LEPR: variants seen among roughly 807,000 people sequenced by gnomAD.
The protein encoded by LEPR is leptin receptor.
A neutral mutation model predicts 114.7 loss-of-function variants in LEPR; 56 were observed. That is an observed-to-expected ratio of 0.49 (90% CI 0.39 to 0.61). LEPR has a LOEUF of 0.61. LEPR is among the 20% of genes least tolerant of loss of function. The pLI, the probability that LEPR is intolerant of heterozygous loss-of-function variation, is 0.00. For missense variants in LEPR, 1,202 were observed against 1,352.9 expected, an observed-to-expected ratio of 0.89 and a Z score of 1.75; for synonymous variants, 443 against 461.4, an observed-to-expected ratio of 0.96 and a Z score of 0.51.
At chr1:65,451,547 T>C (rs1387139490) in intron 2 of LEPR, among the ~76,000 whole-genome samples, 2 of 152,202 alleles carry the variant, frequency 1.3e-5, no homozygotes, top group Non-Finnish European at 2.9e-5. Context: ...CCTTTCCCCA[T>C]TGCTTGTTTT....
At chr1:65,481,610 T>G (rs867325714) in intron 2 of LEPR, among the ~76,000 whole-genome samples, 58 of 152,062 alleles carry the variant, frequency 3.8e-4, no homozygotes, top group Middle Eastern at 3.4e-3. Flanking sequence ...ATAGGTATAA[T>G]AAATAAAAGT....
chr1:65,615,951 A>C lies in LEPR; in HGVS notation c.1996-57A>C, dbSNP rs529114271. ...TGTAGAATGAGAGTTATGTGAGCTCAGTTAGTATAAAAAGCACTGCAGCCC... is the reference window on the plus strand; with the variant it reads ...TGTAGAATGAGAGTTATGTGAGCTCCGTTAGTATAAAAAGCACTGCAGCCC... On this transcript the variant is annotated intron_variant, in intron 14 of 19. Transcript: ENST00000349533. 3.1e-6 allele frequency: 5 copies of C among 1,603,802 alleles called. No individual in the cohort carries two copies. The African/African-American group carries it at 5.4e-5, about 17-fold the overall frequency.
chr1:65,612,561 G>A (rs767073718), intron 14 of LEPR, among the ~76,000 whole-genome samples: 35 of 151,588 alleles, frequency 2.3e-4, no homozygotes, highest in Non-Finnish European at 4.4e-4. Flanking sequence ...AGAAGTACTG[G>A]TCGGGTATTT....
At chr1:65,527,605 G>C (rs1031186153) in intron 2 of LEPR, among the ~76,000 whole-genome samples, 1 of 151,986 alleles carries the variant, frequency 6.6e-6, no homozygotes, top group East Asian at 1.9e-4. Flanking sequence ...GCCTCTTTTC[G>C]GTGGCTTGGA....
intron 2 of LEPR, among the ~76,000 whole-genome samples, chr1:65,451,822 T>G (rs1323490156): frequency 6.6e-6 from 1 of 152,062 alleles, no homozygotes; most frequent in Admixed American, 6.6e-5. Flanking sequence ...AAGAAAGTCA[T>G]TGGTAGCTTG....
chr1:65,623,251 T>G (rs1421170791), intron 19 of LEPR: 1 of 330,874 alleles, frequency 3.0e-6, no homozygotes, highest in Non-Finnish European at 5.5e-6. Flanking sequence ...AAATAAATAT[T>G]AGAAAGTTAA....
At chr1:65,447,346 C>G (rs1012557876) in intron 2 of LEPR, among the ~76,000 whole-genome samples, 4 of 152,030 alleles carry the variant, frequency 2.6e-5, no homozygotes, top group Admixed American at 1.3e-4. Context: ...ATTATTCCAG[C>G]ACCATCTGTT....
rs778439452 is a variant in LEPR, at chr1:65,629,315, TTA to T, written c.2673+6336_2673+6337del. 3 of 444,188 alleles carry T rather than the reference TTA, an allele frequency of 6.8e-6. No homozygotes were observed. In the Admixed American group the frequency reaches 7.4e-5, roughly 11 times the overall value. The allele number at this position is 444,188 out of a possible 1,614,324, so 27.5% of individuals were successfully genotyped here. On this transcript the variant is annotated intron_variant, in intron 19 of 19. Coordinates refer to ENST00000349533, the MANE Select transcript of LEPR (RefSeq NM_002303.6). ...TACTTTCCAATCTCTAAATCTAAGT[TTA>T]TGTTTTTCCTTAAGTCAGGGTTGAT... is the stretch of plus-strand genomic sequence containing the variant.
At chr1:65,435,307 C>A in intron 2 of LEPR, 1 of 984,902 alleles carries the variant, frequency 1.0e-6, no homozygotes, top group Non-Finnish European at 1.2e-6. Flanking sequence ...ATGTTAATAA[C>A]CTTCTTTATG....
rs112099603 is a variant in LEPR, at chr1:65,516,502, T to C, written c.-20-49044T>C. Among the ~76,000 whole-genome samples the C allele has an allele frequency of 1.0e-2, 1,520 of 152,248 alleles. 27 individuals are homozygous for C. The highest frequency in any genetic ancestry group is 0.035 in the African/African-American group (1,448 of 41,544). On this transcript the variant is annotated intron_variant, in intron 2 of 19. Transcript: ENST00000349533. ...AAAAACTACTTTCCATTGCTAAATG[T>C]GTTTCCGGCTCAAGCAGAGATACTG...
intron 2 of LEPR, among the ~76,000 whole-genome samples, chr1:65,498,365 T>G (rs1263325135): frequency 6.6e-6 from 1 of 152,170 alleles, no homozygotes; most frequent in East Asian, 1.9e-4. Context: ...CATCATTCTT[T>G]GCTTCCTTCT....
At chr1:65,610,359 G>A in intron 14 of LEPR, 63 bp downstream of exon 14, 2 of 1,315,206 alleles carry the variant, frequency 1.5e-6, no homozygotes, top group Admixed American at 1.9e-5. Flanking sequence ...TTTACTTCAT[G>A]GTCCATAATC....
chr1:65,607,272 G>A (rs1263411196), intron 11 of LEPR, among the ~76,000 whole-genome samples: 1 of 152,162 alleles, frequency 6.6e-6, no homozygotes, highest in African/African-American at 2.4e-5. Context: ...TGCTACTGCA[G>A]TTGTTTCCTG....
chr1:65,636,986 G>C lies in LEPR; in HGVS notation c.3469G>C (p.Glu1157Gln). The change falls in exon 20 of 20, where the codon GAA (glutamate) becomes CAA (glutamine). Residue 1157 changes from glutamate to glutamine, a missense_variant. By Grantham distance (29) the Glu-to-Gln change is conservative. Coordinates refer to ENST00000349533, the MANE Select transcript of LEPR (RefSeq NM_002303.6). ...TTCTACTCAGACTCATAAGATCATG[G>C]AAAACAAGATGTGTGACCTAACTGT... ...TCSTQTHKIM[E>Q]NKMCDLTV 6.2e-7 allele frequency: 1 copy of C among 1,613,596 alleles called. No individual in the cohort carries two copies. The highest frequency in any genetic ancestry group is 1.7e-5 in the Admixed American group (1 of 59,964).
chr1:65,576,986 T>A, intron 5 of LEPR: 1 of 307,550 alleles, frequency 3.3e-6, no homozygotes, highest in South Asian at 3.9e-5. Context: ...GTGACTTTGT[T>A]GGTGCTGTGG....
intron 5 of LEPR, among the ~76,000 whole-genome samples, chr1:65,584,753 A>T (rs889651336): frequency 4.6e-5 from 7 of 152,114 alleles, no homozygotes; most frequent in Non-Finnish European, 1.5e-5. Context: ...TAAATAGGAT[A>T]GGTCTTCCCT....
intron 2 of LEPR, among the ~76,000 whole-genome samples, chr1:65,557,802 A>C (rs1177877156): frequency 6.6e-6 from 1 of 152,114 alleles, no homozygotes; most frequent in East Asian, 1.9e-4. Flanking sequence ...CTCTCATTGA[A>C]TCTATGTCAG....
intron 2 of LEPR, among the ~76,000 whole-genome samples, chr1:65,496,891 C>CA (rs1433287540): frequency 6.6e-6 from 1 of 152,056 alleles, no homozygotes; most frequent in Non-Finnish European, 1.5e-5. Flanking sequence ...TCTCAGATCT[C>CA]ATTCCAGACC....
chr1:65,537,934 T>A (rs955243568), intron 2 of LEPR, among the ~76,000 whole-genome samples: 4 of 152,220 alleles, frequency 2.6e-5, no homozygotes, highest in African/African-American at 9.6e-5. Flanking sequence ...CAAAGAATGT[T>A]CCTAGAATCA....
Sources: allele counts gnomAD v4.1 joint callset (sites outside exome capture counted in the v4.1 genomes callset), GRCh38; gene constraint gnomAD v4.1.1; transcripts MANE v1.5; gene names NCBI Gene and HGNC (gene_info 2026-07-23, HGNC 2026-07-21).